DCLRE1C: variants seen among roughly 807,000 people sequenced by gnomAD.
The protein encoded by DCLRE1C is protein artemis.
DCLRE1C carries 47 observed loss-of-function variants against 61.4 expected under a neutral mutation model. The observed-to-expected ratio is 0.77, with a 90% confidence interval of 0.61 to 0.98. DCLRE1C has a LOEUF of 0.98. Among genes scored for constraint, DCLRE1C ranks in the 50% least tolerant of loss-of-function variants. The probability of loss-of-function intolerance (pLI) is 0.00; values close to 1 mark genes in which losing one functional copy is unlikely to be tolerated. For missense variants in DCLRE1C, 858 were observed against 816.0 expected, an observed-to-expected ratio of 1.05 and a Z score of -0.63; for synonymous variants, 337 against 287.6, an observed-to-expected ratio of 1.17 and a Z score of -1.74.
chr10:14,943,162 A>G (rs1841150811), intron 3 of DCLRE1C, among the ~76,000 whole-genome samples: 1 of 152,156 alleles, frequency 6.6e-6, no homozygotes, highest in Non-Finnish European at 1.5e-5. Context: ...TCTTTGTGAC[A>G]CTGGGACAAA....
intron 13 of DCLRE1C, among the ~76,000 whole-genome samples, chr10:14,918,473 G>T (rs1836565418): frequency 6.6e-6 from 1 of 152,086 alleles, no homozygotes; most frequent in African/African-American, 2.4e-5. Flanking sequence ...GAACCGGAGG[G>T]AATTACAAAG....
In DCLRE1C at chr10:14,941,419, G is replaced by A. The variant is rs528026405; in HGVS notation, c.247-1550C>T. Among the ~76,000 whole-genome samples the A allele has an allele frequency of 5.3e-5, 8 of 152,206 alleles. 1 individual carries two copies. The East Asian group carries it at 1.5e-3, about 29-fold the overall frequency. On this transcript the variant is annotated intron_variant, in intron 3 of 13. Transcript: ENST00000378278. ...TCTGCCTCAGCCTTCTGAGTGGCTGGGACTACAGGCACACTCTACTATACC... is the reference window on the plus strand; with the variant it reads ...TCTGCCTCAGCCTTCTGAGTGGCTGAGACTACAGGCACACTCTACTATACC...
At chr10:14,936,787 G>A (rs1336627699) in intron 4 of DCLRE1C, among the ~76,000 whole-genome samples, 194 bp from the exon 5 acceptor site, 5 of 152,096 alleles carry the variant, frequency 3.3e-5, no homozygotes, top group East Asian at 1.9e-4. Flanking sequence ...CCATGGGACT[G>A]AGCAATTTCA....
At chr10:14,921,825 C>A (rs1837167379) in intron 12 of DCLRE1C, among the ~76,000 whole-genome samples, 1 of 152,188 alleles carries the variant, frequency 6.6e-6, no homozygotes, top group African/African-American at 2.4e-5. Flanking sequence ...CCTCCTCCCA[C>A]TCCTGGTGAC....
downstream of DCLRE1C, chr10:14,902,657 TACC>T: frequency 1.8e-6 from 1 of 557,936 alleles, no homozygotes; most frequent in Non-Finnish European, 3.1e-6. Flanking sequence ...CCAAATGTAT[TACC>T]GATGCCTCTG....
chr10:14,954,020 G>A lies in DCLRE1C; in HGVS notation c.-10C>T. The A allele has an allele frequency of 6.2e-7, 1 of 1,613,894 alleles. No homozygotes were observed. The highest frequency in any genetic ancestry group is 1.1e-5 in the South Asian group (1 of 91,084). Reference sequence around the variant, plus strand: ...CCTCGAAAGAACTCATAGCGCCGCCGATCCCAGAGTCCGGGACCCCAAAAC... The same window carrying A: ...CCTCGAAAGAACTCATAGCGCCGCCAATCCCAGAGTCCGGGACCCCAAAAC... On this transcript the variant is annotated 5_prime_UTR_variant, in exon 1 of 14. Coordinates refer to ENST00000378278, the MANE Select transcript of DCLRE1C (RefSeq NM_001033855.3).
At chr10:14,920,594 G>C (rs1190112864) in intron 12 of DCLRE1C, 1 of 171,262 alleles carries the variant, frequency 5.8e-6, no homozygotes, top group Non-Finnish European at 1.2e-5. Flanking sequence ...CCATTACTGT[G>C]TCTCTTTACA....
rs1057324739 is a variant in DCLRE1C at position 14,920,401 on chromosome 10, C to T, written c.1062-569G>A. The T allele has an allele frequency of 4.9e-6, 5 of 1,012,386 alleles. No individual in the cohort carries two copies. In the African/African-American group the frequency reaches 8.7e-5, roughly 18 times the overall value. The allele number at this position is 1,012,386 out of a possible 1,614,324, so 62.7% of individuals were successfully genotyped here. ...CTACCCCTTTCGAAGGCCTCACTGC[C>T]AACTGCCTCCTCCTGGCAGATTCCG... is the stretch of plus-strand genomic sequence containing the variant. On this transcript the variant is annotated intron_variant, in intron 12 of 13. Coordinates refer to ENST00000378278, the MANE Select transcript of DCLRE1C (RefSeq NM_001033855.3).
At chr10:14,927,918 T>C (rs1390279099) in intron 10 of DCLRE1C, 98 bp downstream of exon 10, 11 of 965,590 alleles carry the variant, frequency 1.1e-5, no homozygotes, top group Non-Finnish European at 1.6e-5. Context: ...AATATATAAT[T>C]ATATTCTTGG....
At chr10:14,944,089 C>A (rs965880946) in intron 3 of DCLRE1C, among the ~76,000 whole-genome samples, 7 of 152,098 alleles carry the variant, frequency 4.6e-5, no homozygotes, top group African/African-American at 1.7e-4. Context: ...CTTATGACAG[C>A]CTGTAATTTG....
downstream of DCLRE1C, chr10:14,904,413 C>CA (rs1032353490): frequency 8.5e-5 from 11 of 128,926 alleles, no homozygotes; most frequent in Non-Finnish European, 1.1e-4. Flanking sequence ...CACATAGTGT[C>CA]AGTGTTAAGA....
exon 14 of DCLRE1C, chr10:14,897,566 CT>C (rs1833673604): frequency 7.0e-7 from 1 of 1,420,186 alleles, no homozygotes; most frequent in Non-Finnish European, 9.3e-7. Flanking sequence ...AAGGTTTATA[CT>C]TTTGGAAAAT....
chr10:14,899,064 A>C (rs1833804951), exon 14 of DCLRE1C: 1 of 597,090 alleles, frequency 1.7e-6, no homozygotes, highest in Admixed American at 2.8e-5. Flanking sequence ...AGTTACAGTT[A>C]ATCCCAGCAC....
At chr10:14,897,470 C>G in exon 14 of DCLRE1C, 2 of 1,587,282 alleles carry the variant, frequency 1.3e-6, no homozygotes, top group East Asian at 2.2e-5. Context: ...TGTAAAGACC[C>G]TTGTGAAGAT....
intron 9 of DCLRE1C, among the ~76,000 whole-genome samples, chr10:14,930,058 G>A (rs1355884415): frequency 6.6e-6 from 1 of 152,136 alleles, no homozygotes; most frequent in Non-Finnish European, 1.5e-5. Flanking sequence ...AAGGATTTAT[G>A]GGGCAAGGGG....
At position 14,942,737 on chromosome 10, in the gene DCLRE1C, G is replaced by A. The variant is rs186134660; in HGVS notation, c.246+2368C>T. Among the ~76,000 whole-genome samples the A allele has an allele frequency of 5.9e-5, 9 of 152,336 alleles. No individual in the cohort carries two copies. The East Asian group carries it at 1.7e-3, about 29-fold the overall frequency. ...TGCGGGTTGGGCCTGGACATGCCTG[G>A]TTTGAACTTCGCCTTAGTGCTAAGG... On this transcript the variant is annotated intron_variant, in intron 3 of 13. Transcript: ENST00000378278.
In DCLRE1C at chr10:14,909,311, G is replaced by A. The variant is rs2131780176; in HGVS notation, c.1176C>T (p.Leu392=). Residue 392 remains leucine (L), a synonymous_variant, in exon 14 of 14, where the codon CTC becomes CTT. Coordinates refer to ENST00000378278, the MANE Select transcript of DCLRE1C (RefSeq NM_001033855.3). The stretch of plus-strand genomic sequence containing the variant: ...AAGGTATTGGCAGAGGATCATCAAA[G>A]AGATAGTCATCTTCCTCCTCTGTGG... ...HRDSEEEDDY[L]FDDPLPIPLR... The A allele has an allele frequency of 6.2e-7, 1 of 1,613,722 alleles. No individual in the cohort carries two copies. Among genetic ancestry groups the A allele is most frequent in the African/African-American group, 1.3e-5 (1 of 75,048 alleles).
At chr10:14,928,495 C>T (rs994312500) in intron 9 of DCLRE1C, among the ~76,000 whole-genome samples, 9 of 152,162 alleles carry the variant, frequency 5.9e-5, no homozygotes, top group African/African-American at 2.4e-5. Context: ...ATTCTACAAG[C>T]TATAAAGGAC....
chr10:14,909,356 T>C, intron 13 of DCLRE1C, 26 bp from the exon 14 acceptor site: 3 of 1,608,176 alleles, frequency 1.9e-6, no homozygotes, highest in Non-Finnish European at 2.5e-6. Flanking sequence ...AACAGGTTTA[T>C]AGGAAACAAG....
Sources: gnomAD v4.1 joint callset for allele counts (sites outside exome capture counted in the v4.1 genomes callset) on GRCh38, gnomAD v4.1.1 for gene constraint, MANE v1.5 for transcripts, NCBI Gene and HGNC (gene_info 2026-07-23, HGNC 2026-07-21) for gene names.